Variants in DPYD observed in about 807,000 individuals in gnomAD.
The protein encoded by DPYD is dihydropyrimidine dehydrogenase.
In DPYD, 109 loss-of-function variants were observed where a neutral mutation model predicts 116.2. That is an observed-to-expected ratio of 0.94 (90% CI 0.80 to 1.10). The LOEUF is 1.10. DPYD is among the 50% of genes least tolerant of loss of function. The pLI is 0.00. For missense variants in DPYD, 1,302 were observed against 1,254.5 expected (o/e 1.04, Z -0.57); for synonymous variants, 440 against 432.0 (o/e 1.02, Z -0.23).
rs148803098 is a variant in DPYD at position 97,736,405 on chromosome 1, C to CAA, written c.321+3985_321+3986dup. 1.4e-4 allele frequency among the ~76,000 whole-genome samples: 20 copies of CAA among 143,454 alleles called. No individual in the cohort carries two copies. In the East Asian group the frequency reaches 1.8e-3, roughly 13 times the overall value. 94.1% of individuals were successfully genotyped at this position (143,454 alleles called of 152,430 possible). A position where few individuals can be genotyped will look rare whatever the true frequency, so the allele number is the denominator to read the frequency against. ...AACAAAAATTAAGATAGTCTGGCAA[C>CAA]AAAAAAAAAACCCTTTCTGAATAAA... On this transcript the variant is annotated intron_variant, in intron 4 of 22. Coordinates refer to ENST00000370192, the MANE Select transcript of DPYD (RefSeq NM_000110.4).
chr1:97,337,755 A>G (rs1669377432), intron 16 of DPYD, among the ~76,000 whole-genome samples: 1 of 151,964 alleles, frequency 6.6e-6, no homozygotes, highest in African/African-American at 2.4e-5. Flanking sequence ...ATTTCCAGAG[A>G]CACTTTAAGT....
intron 10 of DPYD, among the ~76,000 whole-genome samples, chr1:97,592,646 C>T (rs1230840114): frequency 1.3e-5 from 2 of 152,164 alleles, no homozygotes; most frequent in Non-Finnish European, 2.9e-5. Flanking sequence ...GGATTACAGG[C>T]GTGAGCCACC....
At chr1:97,144,701 A>G (rs1413538562) in intron 20 of DPYD, among the ~76,000 whole-genome samples, 2 of 152,212 alleles carry the variant, frequency 1.3e-5, no homozygotes, top group South Asian at 2.1e-4. Context: ...GTCATAATGA[A>G]ACACCAACTA....
intron 3 of DPYD, among the ~76,000 whole-genome samples, chr1:97,746,889 A>G (rs1480670388): frequency 2.0e-5 from 3 of 152,002 alleles, no homozygotes; most frequent in African/African-American, 7.2e-5. Context: ...CAAAAGGCCA[A>G]AAGAAAATGT....
At chr1:97,751,956 A>G (rs940960535) in intron 3 of DPYD, among the ~76,000 whole-genome samples, 2 of 151,706 alleles carry the variant, frequency 1.3e-5, no homozygotes, top group African/African-American at 4.8e-5. Flanking sequence ...AGAGACTTTC[A>G]CCACGTTGGC....
At chr1:97,790,848 T>C (rs1667285748) in intron 3 of DPYD, among the ~76,000 whole-genome samples, 2 of 152,196 alleles carry the variant, frequency 1.3e-5, no homozygotes, top group Non-Finnish European at 2.9e-5. Context: ...GTAAGCATGA[T>C]TAAAGATTAT....
intron 8 of DPYD, among the ~76,000 whole-genome samples, chr1:97,656,479 C>T (rs867272777): frequency 6.2e-4 from 94 of 152,080 alleles, no homozygotes; most frequent in African/African-American, 1.7e-3. Flanking sequence ...ATCTTGAAAC[C>T]TTAAGTAGGT....
At position 97,767,849 on chromosome 1, in the gene DPYD, A is replaced by G. The variant is rs185721361; in HGVS notation, c.234-27370T>C. 3.6e-3 allele frequency among the ~76,000 whole-genome samples: 543 copies of G among 150,652 alleles called. 4 individuals are homozygous for G. Among genetic ancestry groups the G allele is most frequent in the Non-Finnish European group, 5.2e-3 (352 of 67,932 alleles). On this transcript the variant is annotated intron_variant, in intron 3 of 22. Coordinates refer to ENST00000370192, the MANE Select transcript of DPYD (RefSeq NM_000110.4). ...TAACTAACATCCAAATGTTTTAAAT[A>G]TCTAGAATTAATTTCAGCAATCCTC... is the stretch of plus-strand genomic sequence containing the variant.
At chr1:97,810,614 C>T (rs1035016176) in intron 3 of DPYD, among the ~76,000 whole-genome samples, 1 of 152,060 alleles carries the variant, frequency 6.6e-6, no homozygotes, top group Admixed American at 6.6e-5. Context: ...AATCCCTGCA[C>T]ATTACTTGAG....
intron 11 of DPYD, among the ~76,000 whole-genome samples, chr1:97,570,842 C>T (rs536162597): frequency 2.5e-4 from 38 of 151,898 alleles, no homozygotes; most frequent in East Asian, 1.7e-3. Context: ...TGCAATGACT[C>T]GCTCATTTTC....
intron 14 of DPYD, among the ~76,000 whole-genome samples, chr1:97,393,020 C>T (rs1672800180): frequency 1.3e-5 from 2 of 152,040 alleles, no homozygotes; most frequent in Non-Finnish European, 2.9e-5. Context: ...AAAATGTTCT[C>T]CATACCAGCA....
At chr1:97,427,237 T>A (rs1674922553) in intron 14 of DPYD, among the ~76,000 whole-genome samples, 1 of 152,076 alleles carries the variant, frequency 6.6e-6, no homozygotes, top group African/African-American at 2.4e-5. Context: ...GTTGGTACTA[T>A]CCATCAAAAG....
intron 16 of DPYD, among the ~76,000 whole-genome samples, chr1:97,307,578 C>A (rs1296693989): frequency 6.6e-6 from 1 of 151,820 alleles, no homozygotes; most frequent in African/African-American, 2.4e-5. Context: ...CTCTATTAAG[C>A]AAAACTTAAT....
At chr1:97,788,824 GTTGT>G (rs1667174469) in intron 3 of DPYD, among the ~76,000 whole-genome samples, 1 of 152,090 alleles carries the variant, frequency 6.6e-6, no homozygotes, top group Non-Finnish European at 1.5e-5. Flanking sequence ...TGTTGTTGTT[GTTGT>G]TTGTTTCCAA....
chr1:97,333,595 A>G (rs892710280), intron 16 of DPYD, among the ~76,000 whole-genome samples: 6 of 140,704 alleles, frequency 4.3e-5, no homozygotes, highest in Non-Finnish European at 9.0e-5. Flanking sequence ...ATCTCAGCTC[A>G]CTGCAATCTC....
intron 19 of DPYD, among the ~76,000 whole-genome samples, chr1:97,213,386 A>C (rs1163767408): frequency 6.6e-6 from 1 of 152,184 alleles, no homozygotes; most frequent in African/African-American, 2.4e-5. Flanking sequence ...CAAAGTGACA[A>C]CATACTTAAC....
chr1:97,590,446 C>T (rs985033957), intron 10 of DPYD, among the ~76,000 whole-genome samples: 22 of 152,178 alleles, frequency 1.4e-4, no homozygotes, highest in African/African-American at 5.3e-4. Context: ...TAGGTAGCAC[C>T]CAAGGTGCTA....
chr1:97,656,610 T>C (rs533298889), intron 8 of DPYD, among the ~76,000 whole-genome samples: 1 of 152,228 alleles, frequency 6.6e-6, no homozygotes, highest in South Asian at 2.1e-4. Flanking sequence ...TCATTTCTGC[T>C]CCTTTCTATT....
intron 7 of DPYD, 61 bp from the exon 8 acceptor site, chr1:97,679,243 T>C (rs1009913059): frequency 2.7e-5 from 23 of 864,956 alleles, no homozygotes; most frequent in Non-Finnish European, 4.2e-5. Context: ...AATCTTAATA[T>C]TTAACATCAA....
Sources: gnomAD v4.1 joint callset for allele counts (sites outside exome capture counted in the v4.1 genomes callset) on GRCh38, gnomAD v4.1.1 for gene constraint, MANE v1.5 for transcripts, NCBI Gene and HGNC (gene_info 2026-07-23, HGNC 2026-07-21) for gene names.